NVL: variants seen among roughly 807,000 people sequenced by gnomAD.
The protein encoded by NVL is nuclear valosin-containing protein-like.
NVL carries 84 observed loss-of-function variants against 110.2 expected under a neutral mutation model. That is an observed-to-expected ratio of 0.76 (90% CI 0.64 to 0.91). NVL has a LOEUF of 0.91. NVL is among the 40% of genes least tolerant of loss of function. NVL has a pLI of 0.00. For synonymous variants in NVL, 354 were observed against 361.1 expected (o/e 0.98, Z 0.22); for missense variants, 882 against 1,035.9 (o/e 0.85, Z 2.04).
chr1:224,257,950 T>C (rs1186024862), intron 18 of NVL, among the ~76,000 whole-genome samples: 1 of 152,150 alleles, frequency 6.6e-6, no homozygotes, highest in Non-Finnish European at 1.5e-5. Context: ...TAAAATTTTA[T>C]GAGAAGAAAA....
At chr1:224,263,501 T>C (rs1194227546) in intron 18 of NVL, among the ~76,000 whole-genome samples, 1 of 152,196 alleles carries the variant, frequency 6.6e-6, no homozygotes, top group African/African-American at 2.4e-5. Context: ...TAAAGTGTCC[T>C]TTTTCTCCAA....
chr1:224,295,847 T>C (rs1011743126), intron 11 of NVL, among the ~76,000 whole-genome samples: 4 of 148,884 alleles, frequency 2.7e-5, no homozygotes, highest in Non-Finnish European at 5.9e-5. Flanking sequence ...GCACCTGTAA[T>C]CCCAGCTACT....
intron 22 of NVL, among the ~76,000 whole-genome samples, chr1:224,228,767 G>C (rs1044668401): frequency 2.7e-5 from 4 of 149,462 alleles, no homozygotes; most frequent in Non-Finnish European, 4.5e-5. Context: ...GTGAAACCCT[G>C]TCTCTACAAA....
Position 224,317,942 on chromosome 1 carries a change from AAAC to A in NVL, c.132-15_132-13del. On this transcript the variant is annotated splice_polypyrimidine_tract_variant and intron_variant, in intron 2 of 22. Coordinates refer to ENST00000281701, the MANE Select transcript of NVL (RefSeq NM_002533.4). ...GACCATAGTCTATACTGAAAAAAGA[AAAC>A]AAGAAGTTTACCATAGTAGTCTCCA... 1 of 1,571,454 alleles carries A rather than the reference AAAC, an allele frequency of 6.4e-7. No homozygotes were observed. Among genetic ancestry groups the A allele is most frequent in the Non-Finnish European group, 8.6e-7 (1 of 1,156,642 alleles).
At chr1:224,325,298 A>T (rs903785766) in intron 2 of NVL, among the ~76,000 whole-genome samples, 1 of 151,434 alleles carries the variant, frequency 6.6e-6, no homozygotes, top group African/African-American at 2.4e-5. Context: ...CTGGCTGGGC[A>T]TGGTGGCTCA....
intron 19 of NVL, among the ~76,000 whole-genome samples, chr1:224,241,263 C>CTTATAG: frequency 6.6e-6 from 1 of 152,122 alleles, no homozygotes; most frequent in East Asian, 1.9e-4. Context: ...ATAGTAAGAA[C>CTTATAG]TAAAATGAAT....
chr1:224,260,699 CTTTTTTTTTTT>C (rs940200696), intron 18 of NVL, among the ~76,000 whole-genome samples: 19 of 126,338 alleles, frequency 1.5e-4, no homozygotes, highest in Admixed American at 2.4e-4. Flanking sequence ...TCTTCTTTTC[CTTTTTTTTTTT>C]TTTTTTTTTG....
intron 10 of NVL, among the ~76,000 whole-genome samples, chr1:224,297,214 G>A (rs997504626): frequency 2.6e-5 from 4 of 152,152 alleles, no homozygotes; most frequent in Non-Finnish European, 4.4e-5. Context: ...TTGTGTAAAC[G>A]TCACCACTAT....
At chr1:224,239,222 G>A (rs114146157) in intron 19 of NVL, among the ~76,000 whole-genome samples, 1 of 152,116 alleles carries the variant, frequency 6.6e-6, no homozygotes, top group East Asian at 1.9e-4. Flanking sequence ...CACTGGGCGA[G>A]GAATTAGAAA....
At chr1:224,264,787 C>T (rs2102810833) in intron 18 of NVL, among the ~76,000 whole-genome samples, 1 of 152,206 alleles carries the variant, frequency 6.6e-6, no homozygotes, top group South Asian at 2.1e-4. Flanking sequence ...GTCACTCAGG[C>T]TGGAGTGCAG....
intron 19 of NVL, among the ~76,000 whole-genome samples, chr1:224,240,139 C>G (rs1283963979): frequency 6.8e-6 from 1 of 146,412 alleles, no homozygotes; most frequent in Admixed American, 7.1e-5. Flanking sequence ...GCGATCTCAG[C>G]TCACTGCAAC....
Position 224,305,065 on chromosome 1 carries a change from A to G in NVL, c.717T>C (p.Asp239=), listed in dbSNP as rs1413954545. Residue 239 remains aspartate, a synonymous_variant, in exon 7 of 23, where the codon GAT becomes GAC. Coordinates refer to ENST00000281701, the MANE Select transcript of NVL (RefSeq NM_002533.4). ...KRKKEDLQEV[D]GEIEAVLQKK... The stretch of plus-strand genomic sequence containing the variant: ...TTTGCAGGACAGCTTCAATTTCTCC[A>G]TCTACTTCCTGAAGATCTTCTTTCT... The G allele has an allele frequency of 3.1e-6, 5 of 1,613,778 alleles. No individual in the cohort carries two copies. In the African/African-American group the frequency reaches 5.3e-5, roughly 17 times the overall value.
At chr1:224,229,604 C>T (rs532174871) in intron 22 of NVL, among the ~76,000 whole-genome samples, 7 of 151,636 alleles carry the variant, frequency 4.6e-5, no homozygotes, top group African/African-American at 1.4e-4. Context: ...ACTACAGGTG[C>T]GCGCCCAGCT....
At chr1:224,246,732 T>A (rs1291682278) in intron 19 of NVL, among the ~76,000 whole-genome samples, 1 of 152,064 alleles carries the variant, frequency 6.6e-6, no homozygotes, top group Admixed American at 6.6e-5. Context: ...AAGACCATAG[T>A]TCCTAATGAC....
chr1:224,285,869 A>T (rs920043215), intron 15 of NVL, among the ~76,000 whole-genome samples, 157 bp downstream of exon 15: 3 of 152,250 alleles, frequency 2.0e-5, no homozygotes, highest in African/African-American at 7.2e-5. Context: ...TTAAAAAAGT[A>T]GGAAACTTTA....
At chr1:224,283,280 G>A (rs1666552217) in intron 15 of NVL, among the ~76,000 whole-genome samples, 1 of 152,162 alleles carries the variant, frequency 6.6e-6, no homozygotes, top group Non-Finnish European at 1.5e-5. Flanking sequence ...GAGGTCAGGA[G>A]ATCGAGACCA....
intron 21 of NVL, among the ~76,000 whole-genome samples, chr1:224,232,599 A>G (rs775515196): frequency 3.9e-5 from 6 of 152,036 alleles, no homozygotes; most frequent in Non-Finnish European, 7.4e-5. Context: ...GGCTCAAGCA[A>G]TCCTCCTGCC....
chr1:224,322,477 TTCTG>T (rs1480110904), intron 2 of NVL, among the ~76,000 whole-genome samples: 1 of 152,158 alleles, frequency 6.6e-6, no homozygotes, highest in Non-Finnish European at 1.5e-5. Flanking sequence ...TTAAAAAGCT[TTCTG>T]TCTTAGTTTC....
At position 224,232,497 on chromosome 1, in the gene NVL, C is replaced by A. The variant is rs551165242; in HGVS notation, c.2455+704G>T. On this transcript the variant is annotated intron_variant, in intron 21 of 22. Coordinates refer to ENST00000281701, the MANE Select transcript of NVL (RefSeq NM_002533.4). ...GCCTCACCCTCCCAAGTAGTTAGGA[C>A]TATAGGCATGCACCACCATGCCAGT... 3.3e-5 allele frequency among the ~76,000 whole-genome samples: 5 copies of A among 152,254 alleles called. No individual in the cohort carries two copies. In the South Asian group the frequency reaches 1.0e-3, roughly 32 times the overall value.
Sources: allele counts gnomAD v4.1 joint callset (sites outside exome capture counted in the v4.1 genomes callset), GRCh38; gene constraint gnomAD v4.1.1; transcripts MANE v1.5; gene names NCBI Gene and HGNC (gene_info 2026-07-23, HGNC 2026-07-21).